The following KCNQ2 variants were observed in gnomAD, a reference collection of about 807,000 sequenced individuals.
KCNQ2 encodes the protein potassium voltage-gated channel subfamily Q member 2.
A neutral mutation model predicts 84.8 loss-of-function variants in KCNQ2; 14 were observed. The observed-to-expected ratio is 0.17, with a 90% CI of 0.11 to 0.26. The LOEUF (loss-of-function observed/expected upper bound fraction) is 0.26. Ranked by LOEUF, KCNQ2 falls within the 10% of genes least tolerant of loss-of-function variation. KCNQ2 has a pLI of 1.00. For missense variants in KCNQ2, 788 were observed against 1,254.0 expected (o/e 0.63, Z 5.61); for synonymous variants, 599 against 554.1 (o/e 1.08, Z -1.14).
intron 3 of KCNQ2, 92 bp downstream of exon 3, chr20:63,445,146 G>GC: frequency 1.3e-6 from 2 of 1,557,860 alleles, no homozygotes; most frequent in Non-Finnish European, 1.8e-6. Flanking sequence ...AGCCTCTCTG[G>GC]CCCACGCAGA....
At chr20:63,467,326 C>A (rs921416613) in intron 1 of KCNQ2, among the ~76,000 whole-genome samples, 1 of 152,246 alleles carries the variant, frequency 6.6e-6, no homozygotes, top group Non-Finnish European at 1.5e-5. Context: ...CATCTCCCCA[C>A]ACTGGAAGCA....
At position 63,445,259 on chromosome 20, in the gene KCNQ2, G is replaced by A. The variant is rs764190186; in HGVS notation, c.493C>T (p.Arg165Trp). 2 of 1,613,730 alleles carry A rather than the reference G, an allele frequency of 1.2e-6. No homozygotes were observed. The highest frequency in any genetic ancestry group is 1.7e-6 in the Non-Finnish European group (2 of 1,180,022). Residue 165 changes from arginine to tryptophan, a missense_variant, in exon 3 of 17, where the codon CGG (arginine) becomes TGG (tryptophan). Arg to Trp is a moderately radical substitution (Grantham distance 101). Around this residue, in one of 8 missense-constraint regions of KCNQ2, gnomAD observed 106 missense variants for 214.8 expected, o/e 0.49. Transcript: ENST00000359125. ...TCACCAATCACACAGAACGGTTTCC[G>A]GGCAAACTTGAGCCGCCCCCTCCAG... ...RGWRGRLKFA[R>W]KPFCVIDIMV... is the part of the protein sequence containing the mutation.
chr20:63,453,926 C>T (rs1056474768), intron 1 of KCNQ2, among the ~76,000 whole-genome samples: 1 of 152,024 alleles, frequency 6.6e-6, no homozygotes, highest in African/African-American at 2.4e-5. Flanking sequence ...TCCTCAGTGC[C>T]GCATCCAGGA....
At chr20:63,444,613 T>C (rs1367335904) in intron 4 of KCNQ2, 46 bp downstream of exon 4, 4 of 1,468,958 alleles carry the variant, frequency 2.7e-6, no homozygotes, top group South Asian at 2.7e-5. Context: ...GCCAGGACTC[T>C]CGCTGGCTGG....
intron 4 of KCNQ2, among the ~76,000 whole-genome samples, chr20:63,442,839 C>T (rs1280275111): frequency 1.4e-4 from 8 of 55,176 alleles, no homozygotes; most frequent in Non-Finnish European, 2.4e-4. Flanking sequence ...ATCACCACCA[C>T]CACCATCACC....
intron 14 of KCNQ2, among the ~76,000 whole-genome samples, 197 bp downstream of exon 14, chr20:63,413,891 G>A (rs776584442): frequency 1.3e-5 from 2 of 152,184 alleles, no homozygotes; most frequent in Admixed American, 6.5e-5. Flanking sequence ...CATCCCACCC[G>A]AAACCCGCCT....
In KCNQ2 at chr20:63,433,994, GA is replaced by G. The variant is rs2080912213; in HGVS notation, c.1024-92del. ...GGCGTGGAGGGAACGGGGCAGAGGG[GA>G]CCCCCATGCTGTAGGCCAGGCACTC... On this transcript the variant is annotated intron_variant, in intron 7 of 16. Coordinates refer to ENST00000359125, the MANE Select transcript of KCNQ2 (RefSeq NM_172107.4). 3.5e-6 allele frequency: 4 copies of G among 1,132,144 alleles called. No individual in the cohort carries two copies. In the Admixed American group the frequency reaches 7.5e-5, roughly 21 times the overall value. The allele number at this position is 1,132,144 out of a possible 1,614,324, so 70.1% of individuals were successfully genotyped here.
intron 5 of KCNQ2, among the ~76,000 whole-genome samples, chr20:63,441,294 C>A (rs574955658): frequency 1.0e-4 from 15 of 146,082 alleles, no homozygotes; most frequent in Non-Finnish European, 1.7e-4. Flanking sequence ...GGTACACAGT[C>A]AGCGCGTTTG....
In KCNQ2 at chr20:63,421,972, C is replaced by T. The variant is rs76345851; in HGVS notation, c.1247+2205G>A. On this transcript the variant is annotated intron_variant, in intron 11 of 16. Transcript: ENST00000359125. ...CCGCCAGCCGGGTCGCCTGCCACCA[C>T]GTGCCTGTGTTCTGAGCCAGGATGG... Among the ~76,000 whole-genome samples, 1,014 of 152,298 alleles carry T rather than the reference C, an allele frequency of 6.7e-3. 30 individuals are homozygous for T. In the East Asian group the frequency reaches 0.072, roughly 11 times the overall value.
Position 63,407,745 on chromosome 20 carries a change from G to A in KCNQ2, c.1888-370C>T, listed in dbSNP as rs909342516. The stretch of plus-strand genomic sequence containing the variant: ...TGGTCCCAGGAGGTGGGGGGACCTG[G>A]GTTGCTCCCTGGAGAGGTACAGGGA... On this transcript the variant is annotated intron_variant, in intron 16 of 16. Transcript: ENST00000359125. The surrounding 1 kb of genome is among the most constrained non-coding windows in gnomAD (Gnocchi z 7.2). Among the ~76,000 whole-genome samples, 12 of 151,860 alleles carry A rather than the reference G, an allele frequency of 7.9e-5. No homozygotes were observed. The highest frequency in any genetic ancestry group is 2.6e-4 in the Admixed American group (4 of 15,262).
intron 12 of KCNQ2, among the ~76,000 whole-genome samples, chr20:63,418,990 C>T (rs79554855): frequency 0.011 from 1,706 of 152,216 alleles, 32 homozygotes; most frequent in African/African-American, 0.039. Flanking sequence ...GGGCCCCCAG[C>T]GCAGGCCTGC....
At chr20:63,445,648 C>A in intron 2 of KCNQ2, 1 of 416,712 alleles carries the variant, frequency 2.4e-6, no homozygotes, top group Non-Finnish European at 4.4e-6. Context: ...GCTAGGGGAC[C>A]ATGTCTGAGC....
Position 63,408,590 on chromosome 20 carries a change from C to A in KCNQ2, c.1764-54G>T. The A allele has an allele frequency of 6.3e-7, 1 of 1,595,498 alleles. No homozygotes were observed. The highest frequency in any genetic ancestry group is 2.3e-5 in the East Asian group (1 of 44,284). ...AGTTCGGGTGGGTGCAGCAGGGCCC[C>A]TGCCCTCTCCTCCTGGACCAGGCCA... On this transcript the variant is annotated intron_variant, in intron 15 of 16. Transcript: ENST00000359125. The surrounding 1 kb of genome is among the most constrained non-coding windows in gnomAD (Gnocchi z 5.0).
chr20:63,447,714 C>T lies in KCNQ2; in HGVS notation c.297-877G>A, dbSNP rs146623588. 9.0e-4 allele frequency among the ~76,000 whole-genome samples: 137 copies of T among 152,326 alleles called. 1 individual carries two copies. The highest frequency in any genetic ancestry group is 3.2e-3 in the African/African-American group (134 of 41,564). On this transcript the variant is annotated intron_variant, in intron 1 of 16. Coordinates refer to ENST00000359125, the MANE Select transcript of KCNQ2 (RefSeq NM_172107.4). ...GGTTCAAGCAATTCTCCCGCCTCAGCCTCCAGAGTTGCTGGGATTACAGGC... is the reference window on the plus strand; with the variant it reads ...GGTTCAAGCAATTCTCCCGCCTCAGTCTCCAGAGTTGCTGGGATTACAGGC...
intron 1 of KCNQ2, among the ~76,000 whole-genome samples, chr20:63,447,089 C>T (rs894231971): frequency 6.6e-6 from 1 of 151,948 alleles, no homozygotes; most frequent in African/African-American, 2.4e-5. Context: ...CAGCTGCCCC[C>T]TCCAGGACGC....
intron 1 of KCNQ2, among the ~76,000 whole-genome samples, chr20:63,452,444 C>T (rs1236219734): frequency 2.6e-5 from 4 of 152,210 alleles, no homozygotes; most frequent in Non-Finnish European, 4.4e-5. Context: ...CCCACCCCCA[C>T]GGCAGAGGGT....
intron 1 of KCNQ2, among the ~76,000 whole-genome samples, chr20:63,450,270 C>T (rs1282247046): frequency 2.0e-5 from 3 of 151,524 alleles, no homozygotes; most frequent in Non-Finnish European, 4.4e-5. Context: ...TTCCAGAGGT[C>T]ACGGCCCAGC....
chr20:63,450,267 G>A (rs1032505049), intron 1 of KCNQ2, among the ~76,000 whole-genome samples: 3 of 151,368 alleles, frequency 2.0e-5, no homozygotes, highest in Non-Finnish European at 4.4e-5. Flanking sequence ...CTCTTCCAGA[G>A]GTCACGGCCC....
intron 1 of KCNQ2, among the ~76,000 whole-genome samples, chr20:63,453,202 A>T (rs1446954763): frequency 6.6e-6 from 1 of 152,198 alleles, no homozygotes; most frequent in Non-Finnish European, 1.5e-5. Flanking sequence ...CCGCCGCCAC[A>T]GGCCCACGGC....
Sources: allele counts gnomAD v4.1 joint callset (sites outside exome capture counted in the v4.1 genomes callset), GRCh38; gene constraint gnomAD v4.1.1; regional missense constraint gnomAD v4.1.1; non-coding constraint Gnocchi (gnomAD v3.1); transcripts MANE v1.5; gene names NCBI Gene and HGNC (gene_info 2026-07-23, HGNC 2026-07-21).